ATG10: variants seen among roughly 807,000 people sequenced by gnomAD.
ATG10 encodes autophagy related 10.
Under a neutral mutation model 32.1 loss-of-function variants are expected in ATG10, and 30 were observed. The ratio of observed to expected loss-of-function variants is 0.94; its 90% CI spans 0.70 to 1.27. The LOEUF is 1.27. Among genes scored for constraint, ATG10 ranks in the 50% most tolerant of loss-of-function variants. The pLI is 0.00. For synonymous variants in ATG10, 87 were observed against 91.5 expected (o/e 0.95, Z 0.28); for missense variants, 233 against 262.3 (o/e 0.89, Z 0.77).
At chr5:82,038,210 T>A (rs1290681221) in intron 2 of ATG10, among the ~76,000 whole-genome samples, 1 of 152,178 alleles carries the variant, frequency 6.6e-6, no homozygotes, top group Non-Finnish European at 1.5e-5. Flanking sequence ...CTTATAAATA[T>A]GTGTTATTGA....
rs960563974 is a variant in ATG10, at chr5:82,050,400, C to T, written c.109-8095C>T. ...TTTAGTTTATTACTTCTACCTCCCA[C>T]ATTCCTTCCTATTCTTCTTTCTGAT... On this transcript the variant is annotated intron_variant, in intron 2 of 7. Coordinates refer to ENST00000282185, the MANE Select transcript of ATG10 (RefSeq NM_031482.5). Among the ~76,000 whole-genome samples, 10 of 152,102 alleles carry T rather than the reference C, an allele frequency of 6.6e-5. No homozygotes were observed. The South Asian group carries it at 1.0e-3, about 16-fold the overall frequency.
At chr5:82,123,814 T>G (rs1766143078) in intron 3 of ATG10, among the ~76,000 whole-genome samples, 1 of 151,120 alleles carries the variant, frequency 6.6e-6, no homozygotes. Context: ...TGTAAGCCTG[T>G]TGTCTCAGCT....
At chr5:82,022,802 G>A (rs1762480801) in intron 2 of ATG10, among the ~76,000 whole-genome samples, 1 of 151,748 alleles carries the variant, frequency 6.6e-6, no homozygotes, top group South Asian at 2.1e-4. Context: ...ATTTGTCCAG[G>A]TTACATAGTA....
At chr5:82,012,657 T>A (rs1174752760) in intron 2 of ATG10, among the ~76,000 whole-genome samples, 3 of 152,106 alleles carry the variant, frequency 2.0e-5, no homozygotes, top group African/African-American at 7.2e-5. Context: ...TATGTTTTTG[T>A]TTTTACTGTT....
chr5:82,201,009 C>T (rs772687428), intron 5 of ATG10, among the ~76,000 whole-genome samples: 20 of 151,754 alleles, frequency 1.3e-4, no homozygotes, highest in Non-Finnish European at 2.5e-4. Context: ...CTCAGCCTCC[C>T]GAGTAGCTGG....
intron 3 of ATG10, among the ~76,000 whole-genome samples, chr5:82,138,180 G>A (rs1303443242): frequency 6.6e-6 from 1 of 152,180 alleles, no homozygotes; most frequent in East Asian, 1.9e-4. Context: ...GGTGGGATCT[G>A]CAGAGCTAAA....
intron 5 of ATG10, among the ~76,000 whole-genome samples, chr5:82,244,036 T>A (rs1000837685): frequency 6.6e-6 from 1 of 152,076 alleles, no homozygotes; most frequent in Non-Finnish European, 1.5e-5. Flanking sequence ...GGGCCAACAA[T>A]TAAATATCTG....
intron 3 of ATG10, among the ~76,000 whole-genome samples, chr5:82,077,824 G>A (rs770655127): frequency 2.6e-5 from 4 of 152,148 alleles, no homozygotes; most frequent in Non-Finnish European, 4.4e-5. Flanking sequence ...TCTTTATAAT[G>A]TGGGGTATAT....
intron 3 of ATG10, among the ~76,000 whole-genome samples, chr5:82,120,175 A>T (rs1238511473): frequency 6.6e-6 from 1 of 152,114 alleles, no homozygotes; most frequent in Non-Finnish European, 1.5e-5. Flanking sequence ...GGGTTGAAAG[A>T]TTGTTATTGA....
intron 3 of ATG10, among the ~76,000 whole-genome samples, chr5:82,092,715 C>T (rs1169699332): frequency 6.6e-6 from 1 of 152,210 alleles, no homozygotes; most frequent in Non-Finnish European, 1.5e-5. Flanking sequence ...CTCATGCTCA[C>T]ATCTGTCACA....
intron 3 of ATG10, among the ~76,000 whole-genome samples, chr5:82,070,865 A>G (rs1482900439): frequency 2.6e-5 from 4 of 152,062 alleles, no homozygotes; most frequent in Non-Finnish European, 4.4e-5. Flanking sequence ...TTTGGCTTCT[A>G]CCAAAATCAA....
intron 3 of ATG10, among the ~76,000 whole-genome samples, chr5:82,129,942 C>A (rs1334123658): frequency 2.6e-5 from 4 of 152,182 alleles, no homozygotes; most frequent in African/African-American, 9.6e-5. Context: ...AAGCTGCCCC[C>A]ACAACTGCCC....
chr5:82,089,187 A>T (rs931093228), intron 3 of ATG10, among the ~76,000 whole-genome samples: 2 of 152,116 alleles, frequency 1.3e-5, no homozygotes, highest in Admixed American at 6.6e-5. Context: ...TACTAAAAAT[A>T]CAAAATTAGC....
intron 3 of ATG10, among the ~76,000 whole-genome samples, chr5:82,063,730 G>T (rs776418993): frequency 1.3e-5 from 2 of 152,128 alleles, no homozygotes; most frequent in Non-Finnish European, 2.9e-5. Flanking sequence ...GATCTGAGGT[G>T]ATCTGCCCAC....
intron 5 of ATG10, among the ~76,000 whole-genome samples, chr5:82,191,926 T>C (rs1721615243): frequency 6.6e-6 from 1 of 152,172 alleles, no homozygotes; most frequent in African/African-American, 2.4e-5. Context: ...CTCATGCCCT[T>C]CCTGTACAGC....
intron 5 of ATG10, among the ~76,000 whole-genome samples, chr5:82,229,827 G>A (rs1561369086): frequency 1.3e-5 from 2 of 152,154 alleles, no homozygotes; most frequent in Admixed American, 1.3e-4. Context: ...TTTGCTATCT[G>A]TGGCAGGGAG....
intron 5 of ATG10, among the ~76,000 whole-genome samples, chr5:82,212,511 A>T (rs1745532478): frequency 6.6e-6 from 1 of 152,250 alleles, no homozygotes; most frequent in Non-Finnish European, 1.5e-5. Flanking sequence ...TATCTTAAAT[A>T]TTTGAAAAGA....
chr5:82,234,040 G>A (rs1025911088), intron 5 of ATG10, among the ~76,000 whole-genome samples: 9 of 152,118 alleles, frequency 5.9e-5, no homozygotes, highest in Non-Finnish European at 1.0e-4. Flanking sequence ...CAGATTATAA[G>A]AATGTAAATA....
intron 3 of ATG10, among the ~76,000 whole-genome samples, chr5:82,106,296 T>G (rs1765441475): frequency 6.6e-6 from 1 of 152,174 alleles, no homozygotes; most frequent in Admixed American, 6.5e-5. Context: ...TTTACCATCT[T>G]TTACCTCAGT....
Sources: gnomAD v4.1 joint callset for allele counts (sites outside exome capture counted in the v4.1 genomes callset) on GRCh38, gnomAD v4.1.1 for gene constraint, MANE v1.5 for transcripts, NCBI Gene and HGNC (gene_info 2026-07-23, HGNC 2026-07-21) for gene names.